The following ENTPD1 variants were observed in gnomAD, a reference collection of about 807,000 sequenced individuals.
The protein encoded by ENTPD1 is ectonucleoside triphosphate diphosphohydrolase 1.
Under a neutral mutation model 57.0 loss-of-function variants are expected in ENTPD1, and 33 were observed. The observed-to-expected ratio is 0.58, with a 90% CI of 0.44 to 0.77. ENTPD1 has a LOEUF of 0.77. Ranked by LOEUF, ENTPD1 falls within the 30% of genes least tolerant of loss-of-function variation. The pLI is 0.00. For missense variants in ENTPD1, 501 were observed against 603.4 expected (o/e 0.83, Z 1.78); for synonymous variants, 202 against 218.8 (o/e 0.92, Z 0.68).
intron 1 of ENTPD1, among the ~76,000 whole-genome samples, chr10:95,775,420 G>A (rs2098130338): frequency 6.6e-6 from 1 of 152,186 alleles, no homozygotes; most frequent in South Asian, 2.1e-4. Context: ...TTTTCAAAGG[G>A]AATGCTTCCA....
upstream of ENTPD1, chr10:95,755,712 T>G: frequency 1.3e-6 from 2 of 1,537,206 alleles, no homozygotes; most frequent in Non-Finnish European, 1.7e-6. Context: ...GACCAGAGGC[T>G]TTATGGGGAG....
rs1291432715 is a variant in ENTPD1, at chr10:95,872,792, C to T, written c.*6409C>T. 2.0e-6 allele frequency: 2 copies of T among 985,322 alleles called. No homozygotes were observed. Among genetic ancestry groups the T allele is most frequent in the Non-Finnish European group, 2.4e-6 (2 of 829,944 alleles). 61.0% of individuals were successfully genotyped at this position (985,322 alleles called of 1,614,324 possible). The stretch of plus-strand genomic sequence containing the variant: ...ACTAGTTCTGCTTCACTCTATTTAT[C>T]TCTTGATGTAACCATCTTCTTTCTC... On this transcript the variant is annotated 3_prime_UTR_variant, in exon 10 of 10. Transcript: ENST00000371205.
intron 2 of ENTPD1, among the ~76,000 whole-genome samples, chr10:95,837,291 T>A (rs1245822910): frequency 6.6e-6 from 1 of 152,184 alleles, no homozygotes; most frequent in Admixed American, 6.5e-5. Context: ...GTTGGAACAT[T>A]TTCTGGCAGG....
At chr10:95,735,231 A>T (rs949527660) in intron 1 of ENTPD1, among the ~76,000 whole-genome samples, 1 of 152,014 alleles carries the variant, frequency 6.6e-6, no homozygotes, top group Non-Finnish European at 1.5e-5. Context: ...GGGTTTCACC[A>T]TGTTGGCCAG....
intron 2 of ENTPD1, chr10:95,833,407 C>A (rs2098402075): frequency 6.6e-6 from 1 of 152,176 alleles, no homozygotes; most frequent in South Asian, 2.1e-4. Flanking sequence ...ATAGGCCCTA[C>A]TAGCATCTCT....
chr10:95,839,491 A>G (rs2098418166), intron 2 of ENTPD1, 200 bp from the exon 3 acceptor site: 3 of 633,962 alleles, frequency 4.7e-6, no homozygotes, highest in Non-Finnish European at 8.5e-6. Flanking sequence ...TAACATGCAA[A>G]CAGCATGAAG....
At chr10:95,726,750 G>GC (rs1318383561) in intron 1 of ENTPD1, among the ~76,000 whole-genome samples, 9 of 152,178 alleles carry the variant, frequency 5.9e-5, no homozygotes, top group Admixed American at 3.9e-4. Context: ...GTGTTTTGGT[G>GC]CATTTTGGGG....
rs140070191 is a variant in ENTPD1 at position 95,838,719 on chromosome 10, A to G, written c.145-972A>G. ...CTGGGTGGTGGTTATATGGATGTGCACATATGCAAAAATTTATTGAGGTGT... is the reference window on the plus strand; with the variant it reads ...CTGGGTGGTGGTTATATGGATGTGCGCATATGCAAAAATTTATTGAGGTGT... On this transcript the variant is annotated intron_variant, in intron 2 of 9. Coordinates refer to ENST00000371205, the MANE Select transcript of ENTPD1 (RefSeq NM_001776.6). 3.0e-3 allele frequency among the ~76,000 whole-genome samples: 454 copies of G among 152,358 alleles called. 3 individuals carry two copies. Among genetic ancestry groups the G allele is most frequent in the Non-Finnish European group, 4.7e-3 (322 of 68,034 alleles).
At chr10:95,734,044 G>T (rs1245972090) in intron 1 of ENTPD1, among the ~76,000 whole-genome samples, 2 of 152,142 alleles carry the variant, frequency 1.3e-5, no homozygotes, top group African/African-American at 4.8e-5. Flanking sequence ...GCTGCATGGT[G>T]TCTCAGAGAT....
At chr10:95,710,825 T>C (rs188685114), upstream of ENTPD1, among the ~76,000 whole-genome samples, 76 of 152,334 alleles carry the variant, frequency 5.0e-4, no homozygotes, top group African/African-American at 9.4e-4. Flanking sequence ...AGAAACTGTT[T>C]ATTGCTGACT....
At chr10:95,815,330 C>G (rs2098326339) in intron 1 of ENTPD1, among the ~76,000 whole-genome samples, 1 of 152,212 alleles carries the variant, frequency 6.6e-6, no homozygotes, top group African/African-American at 2.4e-5. Flanking sequence ...AGGTGCATGA[C>G]TTGGGCAAGT....
intron 1 of ENTPD1, among the ~76,000 whole-genome samples, chr10:95,733,500 T>C (rs2097991446): frequency 6.6e-6 from 1 of 152,220 alleles, no homozygotes; most frequent in African/African-American, 2.4e-5. Flanking sequence ...GAGTATTGAT[T>C]AGGGAAGTGA....
At chr10:95,855,580 G>T (rs953978310) in intron 7 of ENTPD1, among the ~76,000 whole-genome samples, 1 of 152,144 alleles carries the variant, frequency 6.6e-6, no homozygotes, top group Non-Finnish European at 1.5e-5. Flanking sequence ...GGTACCAGTT[G>T]TTCCTTTCCA....
At chr10:95,827,578 C>T (rs565550421) in intron 2 of ENTPD1, among the ~76,000 whole-genome samples, 39 of 152,054 alleles carry the variant, frequency 2.6e-4, no homozygotes, top group Admixed American at 9.2e-4. Context: ...CTCTGCCTCT[C>T]GGGTTCAAGC....
At chr10:95,823,084 A>G (rs575639714) in intron 1 of ENTPD1, among the ~76,000 whole-genome samples, 153 bp from the exon 2 acceptor site, 37 of 152,330 alleles carry the variant, frequency 2.4e-4, no homozygotes, top group African/African-American at 7.9e-4. Context: ...TTATTTCCCA[A>G]TTACTCTGTA....
At chr10:95,798,307 G>A (rs1402957314) in intron 1 of ENTPD1, among the ~76,000 whole-genome samples, 1 of 152,120 alleles carries the variant, frequency 6.6e-6, no homozygotes. Context: ...GGGAGGTGGA[G>A]TTTAGAAAGG....
intron 1 of ENTPD1, among the ~76,000 whole-genome samples, chr10:95,724,009 A>C (rs368640756): frequency 4.0e-5 from 6 of 151,896 alleles, no homozygotes; most frequent in East Asian, 3.9e-4. Flanking sequence ...AAAATACAAA[A>C]AAATTAGCTG....
Position 95,868,135 on chromosome 10 carries a change from A to C in ENTPD1, c.*1752A>C. The C allele has an allele frequency of 4.1e-6, 4 of 984,900 alleles. No homozygotes were observed. The highest frequency in any genetic ancestry group is 4.8e-6 in the Non-Finnish European group (4 of 829,406). The allele number at this position is 984,900 out of a possible 1,614,324, so 61.0% of individuals were successfully genotyped here. On this transcript the variant is annotated 3_prime_UTR_variant, in exon 10 of 10. Coordinates refer to ENST00000371205, the MANE Select transcript of ENTPD1 (RefSeq NM_001776.6). Reference sequence around the variant, plus strand: ...ACAATCTGAAGAAGGTAGGTATTACAATTCCCACTTCATAGAAACAGAAAC... The same window carrying C: ...ACAATCTGAAGAAGGTAGGTATTACCATTCCCACTTCATAGAAACAGAAAC...
intron 1 of ENTPD1, among the ~76,000 whole-genome samples, chr10:95,815,154 A>G (rs2140480025): frequency 6.6e-6 from 1 of 152,318 alleles, no homozygotes; most frequent in Middle Eastern, 3.4e-3. Context: ...GGGGTAGAAT[A>G]AGACCTTTCC....
Sources: gnomAD v4.1 joint callset for allele counts (sites outside exome capture counted in the v4.1 genomes callset) on GRCh38, gnomAD v4.1.1 for gene constraint, MANE v1.5 for transcripts, NCBI Gene and HGNC (gene_info 2026-07-23, HGNC 2026-07-21) for gene names.